The following CNDP1 variants were observed in gnomAD, a reference collection of about 807,000 sequenced individuals.
The protein encoded by CNDP1 is carnosine dipeptidase 1.
CNDP1 carries 44 observed loss-of-function variants against 58.1 expected under a neutral mutation model. That is an observed-to-expected ratio of 0.76 (90% CI 0.60 to 0.97). CNDP1 has a LOEUF of 0.97. CNDP1 is among the 50% of genes least tolerant of loss of function. CNDP1 has a pLI of 0.00. For synonymous variants in CNDP1, 254 were observed against 252.6 expected (o/e 1.01, Z -0.05); for missense variants, 616 against 655.1 (o/e 0.94, Z 0.65).
intron 8 of CNDP1, 60 bp downstream of exon 8, chr18:74,577,089 C>A: frequency 6.9e-7 from 1 of 1,452,226 alleles, no homozygotes; most frequent in Non-Finnish European, 9.3e-7. Context: ...ATCATATTTG[C>A]CCTCTGTCTA....
Position 74,583,061 on chromosome 18 carries a change from C to T in CNDP1, c.1310-500C>T, listed in dbSNP as rs549803490. Among the ~76,000 whole-genome samples, 90 of 152,274 alleles carry T rather than the reference C, an allele frequency of 5.9e-4. 1 individual carries two copies. Among genetic ancestry groups the T allele is most frequent in the Admixed American group, 2.4e-3 (37 of 15,294 alleles). ...TCGCTCTGTCACCCGGGCCTGAGTGCAGTTGCAAGATCTCGGCTCACCGCA... is the reference window on the plus strand; with the variant it reads ...TCGCTCTGTCACCCGGGCCTGAGTGTAGTTGCAAGATCTCGGCTCACCGCA... On this transcript the variant is annotated intron_variant, in intron 10 of 11. Coordinates refer to ENST00000358821, the MANE Select transcript of CNDP1 (RefSeq NM_032649.6).
At position 74,579,180 on chromosome 18, in the gene CNDP1, TC is replaced by T. The variant is rs1478464326; in HGVS notation, c.1167+854del. Reference sequence around the variant, plus strand: ...TCTCCTCCCTCTCTCCCTTCTCCCTTCTCCCTTTCCTTCCCTTCCCTTGCCT... The same window carrying T: ...TCTCCTCCCTCTCTCCCTTCTCCCTTTCCCTTTCCTTCCCTTCCCTTGCCT... On this transcript the variant is annotated intron_variant, in intron 9 of 11. Coordinates refer to ENST00000358821, the MANE Select transcript of CNDP1 (RefSeq NM_032649.6). Among the ~76,000 whole-genome samples, 106 of 123,410 alleles carry T rather than the reference TC, an allele frequency of 8.6e-4. 1 individual carries two copies. Among genetic ancestry groups the T allele is most frequent in the South Asian group, 1.6e-3 (5 of 3,052 alleles). The allele number at this position is 123,410 out of a possible 152,430, so 81.0% of individuals were successfully genotyped here. A position where few individuals can be genotyped will look rare whatever the true frequency, so the allele number is the denominator to read the frequency against.
At position 74,580,273 on chromosome 18, in the gene CNDP1, TG is replaced by T; in HGVS notation, c.1309+5del. On this transcript the variant is annotated splice_donor_region_variant and intron_variant, in intron 10 of 11. Transcript: ENST00000358821. The stretch of plus-strand genomic sequence containing the variant: ...CAGCAAAAAGAGCGATCAGAACAGG[TG>T]GGACCTTAAGATCTTCTGACTGGCC... 1 of 1,614,048 alleles carries T rather than the reference TG, an allele frequency of 6.2e-7. No homozygotes were observed. The highest frequency in any genetic ancestry group is 8.5e-7 in the Non-Finnish European group (1 of 1,179,918).
At chr18:74,556,750 C>T (rs1981052829) in intron 2 of CNDP1, among the ~76,000 whole-genome samples, 1 of 152,210 alleles carries the variant, frequency 6.6e-6, no homozygotes, top group African/African-American at 2.4e-5. Flanking sequence ...GAGCTCAAGT[C>T]TGCCCTGGTC....
chr18:74,579,212 TCCC>T lies in CNDP1; in HGVS notation c.1167+886_1167+888del, dbSNP rs1981715209. On this transcript the variant is annotated intron_variant, in intron 9 of 11. Coordinates refer to ENST00000358821, the MANE Select transcript of CNDP1 (RefSeq NM_032649.6). The stretch of plus-strand genomic sequence containing the variant: ...TTCCTTCCCTTCCCTTGCCTTCCCT[TCCC>T]TTCCCTTCCCTTCCCTCACCTCCCC... 1.2e-4 allele frequency among the ~76,000 whole-genome samples: 6 copies of T among 48,646 alleles called. No homozygotes were observed. In the East Asian group the frequency reaches 4.6e-3, roughly 38 times the overall value. 31.9% of individuals were successfully genotyped at this position (48,646 alleles called of 152,430 possible).
intron 1 of CNDP1, among the ~76,000 whole-genome samples, chr18:74,553,763 C>T (rs533599091): frequency 5.9e-5 from 9 of 152,300 alleles, no homozygotes; most frequent in African/African-American, 1.9e-4. Flanking sequence ...GAGGAAACTT[C>T]CAGAGGTTAA....
chr18:74,580,749 C>T (rs905958371), intron 10 of CNDP1, among the ~76,000 whole-genome samples: 11 of 152,158 alleles, frequency 7.2e-5, no homozygotes, highest in South Asian at 2.1e-4. Context: ...AGGAGGATCG[C>T]GTGAGCTCAG....
At chr18:74,579,998 GC>G in intron 9 of CNDP1, 131 bp from the exon 10 acceptor site, 1 of 769,114 alleles carries the variant, frequency 1.3e-6, no homozygotes, top group South Asian at 1.8e-5. Context: ...CGTGTGTCAG[GC>G]TGGGGCTTCA....
intron 1 of CNDP1, among the ~76,000 whole-genome samples, chr18:74,542,399 C>T (rs1980648134): frequency 3.3e-5 from 5 of 152,198 alleles, no homozygotes; most frequent in Admixed American, 3.3e-4. Flanking sequence ...TCTTGCTCTC[C>T]TCCAGTTTGG....
chr18:74,584,122 T>A, intron 11 of CNDP1: 1 of 317,242 alleles, frequency 3.2e-6, no homozygotes, highest in Non-Finnish European at 5.9e-6. Context: ...AAATATTTAG[T>A]GCATAACAAA....
At chr18:74,563,886 C>T (rs934857204) in intron 5 of CNDP1, among the ~76,000 whole-genome samples, 3 of 152,194 alleles carry the variant, frequency 2.0e-5, no homozygotes, top group African/African-American at 7.2e-5. Flanking sequence ...TTAAACATGA[C>T]TTGCCAGAAA....
rs149508413 is a variant in CNDP1, at chr18:74,583,587, C to T, written c.1336C>T (p.Arg446Trp). The T allele has an allele frequency of 5.0e-4, 802 of 1,613,950 alleles. No individual in the cohort carries two copies. The highest frequency in any genetic ancestry group is 6.3e-4 in the Non-Finnish European group (740 of 1,179,968). Residue 446 changes from arginine (R) to tryptophan (W), a missense_variant, in exon 11 of 12, where the codon CGG (arginine) becomes TGG (tryptophan). Transcript: ENST00000358821. ...GTTTGGAACAGAACCAGATATGATC[C>T]GGGATGGATCCACCATTCCAATTGC... The part of the protein sequence containing the change: ...TVFGTEPDMI[R>W]DGSTIPIAKM...
intron 4 of CNDP1, 70 bp from the exon 5 acceptor site, chr18:74,561,976 CG>C: frequency 7.8e-7 from 1 of 1,286,278 alleles, no homozygotes; most frequent in East Asian, 2.3e-5. Context: ...ACCCATGAAA[CG>C]ACATTGGTTT....
chr18:74,564,269 C>A (rs1308571372), intron 5 of CNDP1, among the ~76,000 whole-genome samples: 1 of 152,126 alleles, frequency 6.6e-6, no homozygotes, highest in Non-Finnish European at 1.5e-5. Flanking sequence ...TAGGAAAAGA[C>A]TTTGACCTCT....
chr18:74,576,956 A>G lies in CNDP1; in HGVS notation c.929A>G (p.Tyr310Cys), dbSNP rs1981650725. 2 of 1,613,866 alleles carry G rather than the reference A, an allele frequency of 1.2e-6. No individual in the cohort carries two copies. Among genetic ancestry groups the G allele is most frequent in the Non-Finnish European group, 1.7e-6 (2 of 1,179,888 alleles). Residue 310 changes from tyrosine (Y) to cysteine (C), a missense_variant, in exon 8 of 12, where the codon TAC (tyrosine) becomes TGC (cysteine). Transcript: ENST00000358821. ...VPLTEEEINT[Y>C]KAIHLDLEEY... Reference sequence around the variant, plus strand: ...CTTACAGAAGAGGAAATAAATACATACAAAGCCATCCATCTAGACCTAGAA... The same window carrying G: ...CTTACAGAAGAGGAAATAAATACATGCAAAGCCATCCATCTAGACCTAGAA...
At position 74,567,807 on chromosome 18, in the gene CNDP1, C is replaced by T. The variant is rs79968044; in HGVS notation, c.756+374C>T. On this transcript the variant is annotated intron_variant, in intron 6 of 11. Transcript: ENST00000358821. ...CAACTGTGCTGTGTCCTGCTCCCAG[C>T]GTGGGCCTGCTGGCCACAGTGGCAG... is the stretch of plus-strand genomic sequence containing the variant. Among the ~76,000 whole-genome samples the T allele has an allele frequency of 5.1e-3, 776 of 152,324 alleles. 6 individuals carry two copies. Among genetic ancestry groups the T allele is most frequent in the African/African-American group, 0.018 (749 of 41,576 alleles).
intron 1 of CNDP1, among the ~76,000 whole-genome samples, chr18:74,554,096 T>G (rs1334967014): frequency 6.6e-6 from 1 of 152,202 alleles, no homozygotes; most frequent in African/African-American, 2.4e-5. Flanking sequence ...AACTTGGTGT[T>G]GGCCCTCCTG....
Position 74,559,437 on chromosome 18 carries a change from G to A in CNDP1, c.268G>A (p.Ala90Thr), listed in dbSNP as rs147983814. 38 of 1,611,584 alleles carry A rather than the reference G, an allele frequency of 2.4e-5. No individual in the cohort carries two copies. The highest frequency in any genetic ancestry group is 1.9e-5 in the Non-Finnish European group (22 of 1,179,986). Reference protein sequence around the residue: ...VAADTLQRLGARVASVDMGPQ... With the variant: ...VAADTLQRLGTRVASVDMGPQ... Reference sequence around the variant, plus strand: ...TGCGGACACGCTGCAGCGCCTGGGGGCCCGTGTGGCCTCGGTGGACATGGG... The same window carrying A: ...TGCGGACACGCTGCAGCGCCTGGGGACCCGTGTGGCCTCGGTGGACATGGG... The change falls in exon 3 of 12, where the codon GCC (alanine) becomes ACC (threonine). Residue 90 changes from alanine (A) to threonine (T), a missense_variant. Ala to Thr is a moderately conservative substitution (Grantham distance 58, BLOSUM62 0). Coordinates refer to ENST00000358821, the MANE Select transcript of CNDP1 (RefSeq NM_032649.6).
chr18:74,569,642 T>C (rs1981420762), intron 6 of CNDP1, among the ~76,000 whole-genome samples: 1 of 152,128 alleles, frequency 6.6e-6, no homozygotes. Context: ...CACACATGTT[T>C]GTGTCATTCC....
Sources: allele counts gnomAD v4.1 joint callset (sites outside exome capture counted in the v4.1 genomes callset), GRCh38; gene constraint gnomAD v4.1.1; transcripts MANE v1.5; gene names NCBI Gene and HGNC (gene_info 2026-07-23, HGNC 2026-07-21).